The following ZNF385D variants were observed in gnomAD, a reference collection of about 807,000 sequenced individuals.
The protein encoded by ZNF385D is zinc finger protein 659.
In ZNF385D, 15 loss-of-function variants were observed where a neutral mutation model predicts 35.8. The observed-to-expected ratio is 0.42, with a 90% CI of 0.28 to 0.64. The LOEUF (loss-of-function observed/expected upper bound fraction) is 0.64. Among genes scored for constraint, ZNF385D ranks in the 30% least tolerant of loss-of-function variants. The pLI is 0.23. For missense variants in ZNF385D, 474 were observed against 494.6 expected (o/e 0.96, Z 0.39); for synonymous variants, 212 against 186.8 (o/e 1.13, Z -1.10).
chr3:22,185,409 C>A (rs1013893856), intron 2 of ZNF385D, among the ~76,000 whole-genome samples: 3 of 152,146 alleles, frequency 2.0e-5, no homozygotes, highest in African/African-American at 7.2e-5. Flanking sequence ...TGGACAGTGG[C>A]AATCTCTTTT....
At chr3:22,143,592 A>G (rs192452928) in intron 3 of ZNF385D, among the ~76,000 whole-genome samples, 1 of 151,942 alleles carries the variant, frequency 6.6e-6, no homozygotes, top group Admixed American at 6.6e-5. Flanking sequence ...CACGATATAT[A>G]TTTTTCTGTG....
At chr3:22,204,214 G>T (rs1414998979) in intron 2 of ZNF385D, among the ~76,000 whole-genome samples, 1 of 152,062 alleles carries the variant, frequency 6.6e-6, no homozygotes, top group Admixed American at 6.6e-5. Context: ...GTAATCCAGA[G>T]AATTCTTCTG....
chr3:21,837,345 A>T (rs1299861188), intron 3 of ZNF385D, among the ~76,000 whole-genome samples: 1 of 152,082 alleles, frequency 6.6e-6, no homozygotes, highest in Non-Finnish European at 1.5e-5. Flanking sequence ...CCTTGTGCTA[A>T]TCTGGCCTGT....
chr3:21,949,641 T>C (rs1701968515), intron 3 of ZNF385D, among the ~76,000 whole-genome samples: 1 of 151,418 alleles, frequency 6.6e-6, no homozygotes, highest in Non-Finnish European at 1.5e-5. Context: ...AGTGCCACTG[T>C]GGTTTGCTGC....
intron 3 of ZNF385D, among the ~76,000 whole-genome samples, chr3:21,923,516 C>T (rs1700579706): frequency 6.6e-6 from 1 of 152,002 alleles, no homozygotes; most frequent in Non-Finnish European, 1.5e-5. Context: ...CATATAGAAT[C>T]AAAAGAAAAC....
chr3:21,523,775 T>A (rs1708057254), intron 3 of ZNF385D, among the ~76,000 whole-genome samples: 1 of 152,080 alleles, frequency 6.6e-6, no homozygotes, highest in Non-Finnish European at 1.5e-5. Flanking sequence ...GTGCAAATTT[T>A]TTTTTTTTTG....
chr3:22,317,935 C>A (rs1235760121), intron 2 of ZNF385D, among the ~76,000 whole-genome samples: 1 of 151,970 alleles, frequency 6.6e-6, no homozygotes, highest in Non-Finnish European at 1.5e-5. Flanking sequence ...GTGGCATGCA[C>A]CTGTAATCCA....
At chr3:21,623,345 C>T (rs1323192850) in intron 2 of ZNF385D, among the ~76,000 whole-genome samples, 1 of 152,026 alleles carries the variant, frequency 6.6e-6, no homozygotes, top group African/African-American at 2.4e-5. Flanking sequence ...AGGGAAAAAA[C>T]ATTTGTTTTT....
At chr3:21,606,902 G>C (rs913499200) in intron 2 of ZNF385D, among the ~76,000 whole-genome samples, 1 of 151,700 alleles carries the variant, frequency 6.6e-6, no homozygotes, top group Non-Finnish European at 1.5e-5. Context: ...TGCTGCAAAT[G>C]GATGAAGTTC....
chr3:21,547,637 A>G (rs1370531474), intron 3 of ZNF385D, among the ~76,000 whole-genome samples: 1 of 148,750 alleles, frequency 6.7e-6, no homozygotes, highest in East Asian at 2.0e-4. Flanking sequence ...TTTTTTTGAG[A>G]CAAGAGTCTC....
chr3:21,794,994 T>C (rs2072086413), intron 3 of ZNF385D, among the ~76,000 whole-genome samples: 1 of 152,240 alleles, frequency 6.6e-6, no homozygotes, highest in African/African-American at 2.4e-5. Context: ...TTAATATTTT[T>C]ACTAATACTC....
chr3:22,270,978 G>A (rs912199368), intron 2 of ZNF385D, among the ~76,000 whole-genome samples: 6 of 151,820 alleles, frequency 4.0e-5, no homozygotes, highest in African/African-American at 1.5e-4. Context: ...CCTCTTGAGA[G>A]TTTTCATTCT....
chr3:22,250,804 GT>G (rs1262954665), intron 2 of ZNF385D, among the ~76,000 whole-genome samples: 1 of 152,046 alleles, frequency 6.6e-6, no homozygotes, highest in Non-Finnish European at 1.5e-5. Flanking sequence ...TCAGTGGAGA[GT>G]TTAGAGTGAA....
intron 3 of ZNF385D, among the ~76,000 whole-genome samples, chr3:22,105,341 G>A (rs1185199944): frequency 1.3e-5 from 2 of 149,990 alleles, no homozygotes; most frequent in South Asian, 2.1e-4. Context: ...TATTAGTCAG[G>A]ACTCACTAGA....
rs1260470915 is a variant in ZNF385D, at chr3:21,433,598, T to C, written c.673+3372A>G. Among the ~76,000 whole-genome samples the C allele has an allele frequency of 2.6e-5, 4 of 152,130 alleles. No individual in the cohort carries two copies. In the East Asian group the frequency reaches 7.7e-4, roughly 29 times the overall value. On this transcript the variant is annotated intron_variant, in intron 5 of 7. Coordinates refer to ENST00000281523, the MANE Select transcript of ZNF385D (RefSeq NM_024697.3). ...CTAAGTGTAGGAAACAGTGGAGTTCTAAAGGTGGGGCATTGATTGCTGTCT... is the reference window on the plus strand; with the variant it reads ...CTAAGTGTAGGAAACAGTGGAGTTCCAAAGGTGGGGCATTGATTGCTGTCT...
rs959528643 is a variant in ZNF385D at position 21,465,828 on chromosome 3, C to T, written c.440-28625G>A. ...TTAGGATTTGGCAAATAGTCAGATGCCCTTCCTGCAGGCTGACCCACTCTC... is the reference window on the plus strand; with the variant it reads ...TTAGGATTTGGCAAATAGTCAGATGTCCTTCCTGCAGGCTGACCCACTCTC... On this transcript the variant is annotated intron_variant, in intron 4 of 7. Coordinates refer to ENST00000281523, the MANE Select transcript of ZNF385D (RefSeq NM_024697.3). The surrounding 1 kb of genome is among the most constrained non-coding windows in gnomAD (Gnocchi z 4.2). Among the ~76,000 whole-genome samples, 2 of 152,214 alleles carry T rather than the reference C, an allele frequency of 1.3e-5. No individual in the cohort carries two copies. Among genetic ancestry groups the T allele is most frequent in the South Asian group, 2.1e-4 (1 of 4,822 alleles).
intron 3 of ZNF385D, among the ~76,000 whole-genome samples, chr3:21,761,869 CTTTTTTTTTTTTTTTTTT>C (rs58790934): frequency 1.3e-5 from 1 of 77,190 alleles, no homozygotes; most frequent in Non-Finnish European, 2.2e-5. Context: ...CATTTTCTTC[CTTTTTTTTTTTTTTTTTT>C]TTTTTTTTTT....
chr3:21,490,754 T>G (rs2125405311), intron 4 of ZNF385D, among the ~76,000 whole-genome samples: 1 of 150,336 alleles, frequency 6.7e-6, no homozygotes, highest in South Asian at 2.2e-4. Flanking sequence ...AGGCCAGCAC[T>G]TGGGTTTATG....
chr3:21,491,843 CAG>C (rs1705447592), intron 4 of ZNF385D, among the ~76,000 whole-genome samples: 1 of 152,124 alleles, frequency 6.6e-6, no homozygotes, highest in South Asian at 2.1e-4. Flanking sequence ...CTACTTTTGA[CAG>C]TGGATATTTA....
Sources: allele counts gnomAD v4.1 joint callset (sites outside exome capture counted in the v4.1 genomes callset), GRCh38; gene constraint gnomAD v4.1.1; non-coding constraint Gnocchi (gnomAD v3.1); transcripts MANE v1.5; gene names NCBI Gene and HGNC (gene_info 2026-07-23, HGNC 2026-07-21).